The following TENM2 variants were observed in gnomAD, a reference collection of about 807,000 sequenced individuals.
TENM2 encodes teneurin-2.
TENM2 carries 52 observed loss-of-function variants against 245.2 expected under a neutral mutation model. The observed-to-expected ratio is 0.21, with a 90% CI of 0.17 to 0.27. The LOEUF is 0.27. Ranked by LOEUF, TENM2 falls within the 10% of genes least tolerant of loss-of-function variation. The probability of loss-of-function intolerance (pLI) is 1.00; values close to 1 mark genes in which losing one functional copy is unlikely to be tolerated. For missense variants in TENM2, 3,046 were observed against 3,666.8 expected (o/e 0.83, Z 4.37); for synonymous variants, 1,363 against 1,438.9 (o/e 0.95, Z 1.19).
At chr5:167,904,487 T>C (rs1775937807) in intron 3 of TENM2, among the ~76,000 whole-genome samples, 1 of 152,152 alleles carries the variant, frequency 6.6e-6, no homozygotes, top group South Asian at 2.1e-4. Flanking sequence ...CTATTAATAT[T>C]AGTAATATTA....
chr5:167,845,277 AC>A (rs1769942525), intron 2 of TENM2, among the ~76,000 whole-genome samples: 1 of 68,246 alleles, frequency 1.5e-5, no homozygotes, highest in African/African-American at 5.5e-5. Context: ...ACACACACAC[AC>A]ACAACACGGC....
chr5:168,007,541 A>G (rs563408864), intron 5 of TENM2, among the ~76,000 whole-genome samples: 9 of 152,132 alleles, frequency 5.9e-5, no homozygotes, highest in Non-Finnish European at 1.3e-4. Context: ...TTCAAAGATG[A>G]GTTTCAGTCA....
chr5:168,080,418 G>A (rs1009159011), intron 7 of TENM2, among the ~76,000 whole-genome samples: 12 of 152,074 alleles, frequency 7.9e-5, no homozygotes, highest in African/African-American at 2.7e-4. Context: ...GATTTTTTGT[G>A]TGTCTATCTC....
At chr5:167,285,627 A>C (rs1410663504) in intron 1 of TENM2, among the ~76,000 whole-genome samples, 6 of 152,176 alleles carry the variant, frequency 3.9e-5, no homozygotes, top group Non-Finnish European at 8.8e-5. Context: ...CTTCATGTCC[A>C]ATATTTATAA....
At chr5:167,552,718 T>C (rs1159949839) in intron 2 of TENM2, among the ~76,000 whole-genome samples, 1 of 152,188 alleles carries the variant, frequency 6.6e-6, no homozygotes, top group Non-Finnish European at 1.5e-5. Flanking sequence ...AAAGGTGTGT[T>C]GCGTATATGA....
At chr5:168,156,255 A>AAAAAAAAAC (rs1197961677) in intron 12 of TENM2, among the ~76,000 whole-genome samples, 3 of 149,824 alleles carry the variant, frequency 2.0e-5, no homozygotes, top group African/African-American at 7.4e-5. Flanking sequence ...GTTAAAAAAA[A>AAAAAAAAAC]AAAAAAAAAA....
In TENM2 at chr5:168,229,304, A is replaced by C. The variant is rs142903393; in HGVS notation, c.5520+1174A>C. On this transcript the variant is annotated intron_variant, in intron 25 of 28. Transcript: ENST00000518659. ...TCTGACTCACTTGCCAATATGTCAC[A>C]TGCCTTCCTGCTTATCCGTGGTCAT... Among the ~76,000 whole-genome samples, 434 of 151,656 alleles carry C rather than the reference A, an allele frequency of 2.9e-3. 1 individual carries two copies. Among genetic ancestry groups the C allele is most frequent in the Middle Eastern group, 6.8e-3 (2 of 292 alleles).
chr5:167,065,217 T>C, the TENM2 span, among the ~76,000 whole-genome samples: 2 of 152,220 alleles, frequency 1.3e-5, no homozygotes, highest in African/African-American at 2.4e-5. Context: ...ATGATTAAAA[T>C]ACATTGTATG....
At chr5:167,173,330 A>G in the TENM2 span, among the ~76,000 whole-genome samples, 7 of 152,200 alleles carry the variant, frequency 4.6e-5, no homozygotes, top group Non-Finnish European at 1.0e-4. Context: ...ACTACTGTCA[A>G]TAGAATACCG....
chr5:167,107,713 A>G, the TENM2 span, among the ~76,000 whole-genome samples: 1 of 152,252 alleles, frequency 6.6e-6, no homozygotes, highest in Non-Finnish European at 1.5e-5. Context: ...CTGGAGGAAT[A>G]GATATTATCA....
chr5:168,153,752 C>G (rs776231413), intron 12 of TENM2, among the ~76,000 whole-genome samples: 3 of 152,158 alleles, frequency 2.0e-5, no homozygotes, highest in Non-Finnish European at 4.4e-5. Context: ...GGCCCCATCC[C>G]CAGAGGTTCT....
intron 2 of TENM2, among the ~76,000 whole-genome samples, chr5:167,420,735 C>T (rs57335634): frequency 0.28 from 41,912 of 151,988 alleles, 5,998 homozygotes; most frequent in Middle Eastern, 0.33. Context: ...TTTCCGACAG[C>T]ACCATCATTC....
chr5:167,893,620 AG>A (rs1168992319), intron 3 of TENM2, among the ~76,000 whole-genome samples: 29 of 151,808 alleles, frequency 1.9e-4, no homozygotes, highest in African/African-American at 6.3e-4. Context: ...CAAACAAAAA[AG>A]GTTTTTTTGT....
intron 2 of TENM2, among the ~76,000 whole-genome samples, chr5:167,825,649 T>C (rs957827953): frequency 6.6e-6 from 1 of 152,158 alleles, no homozygotes; most frequent in African/African-American, 2.4e-5. Flanking sequence ...TCCCACGGGC[T>C]CTGCAGTCCC....
At chr5:167,063,387 C>A in the TENM2 span, among the ~76,000 whole-genome samples, 5 of 152,274 alleles carry the variant, frequency 3.3e-5, no homozygotes, top group Middle Eastern at 3.4e-3. Context: ...GTTTCAAAAG[C>A]ATTAACGAGG....
intron 2 of TENM2, among the ~76,000 whole-genome samples, chr5:167,741,896 A>G (rs1006721037): frequency 6.6e-6 from 1 of 152,090 alleles, no homozygotes; most frequent in Non-Finnish European, 1.5e-5. Context: ...CTGTGGACAA[A>G]CAGGGCCCTG....
intron 7 of TENM2, among the ~76,000 whole-genome samples, chr5:168,077,697 G>A (rs540849557): frequency 3.3e-5 from 5 of 152,184 alleles, no homozygotes; most frequent in East Asian, 1.9e-4. Context: ...CTGTCCTTGC[G>A]ATAGTTTGCT....
intron 2 of TENM2, among the ~76,000 whole-genome samples, chr5:167,599,075 A>C (rs1195624097): frequency 6.6e-6 from 1 of 152,214 alleles, no homozygotes; most frequent in African/African-American, 2.4e-5. Context: ...AGACATTAAA[A>C]GGCAAAACAA....
intron 5 of TENM2, among the ~76,000 whole-genome samples, chr5:168,034,140 C>G (rs1377998846): frequency 1.1e-5 from 1 of 93,140 alleles, no homozygotes; most frequent in African/African-American, 3.9e-5. Context: ...TATATGTATA[C>G]ATATATATGT....
Sources: allele counts gnomAD v4.1 joint callset (sites outside exome capture counted in the v4.1 genomes callset), GRCh38; gene constraint gnomAD v4.1.1; transcripts MANE v1.5; gene names NCBI Gene and HGNC (gene_info 2026-07-23, HGNC 2026-07-21).